Variants in GLCCI1 observed in about 807,000 individuals in gnomAD.
The protein encoded by GLCCI1 is glucocorticoid-induced transcript 1 protein.
A neutral mutation model predicts 52.2 loss-of-function variants in GLCCI1; 24 were observed. That is an observed-to-expected ratio of 0.46 (90% CI 0.33 to 0.65). GLCCI1 has a LOEUF of 0.65. GLCCI1 is among the 30% of genes least tolerant of loss of function. The pLI is 0.02. For synonymous variants in GLCCI1, 310 were observed against 276.5 expected, an observed-to-expected ratio of 1.12 and a Z score of -1.20; for missense variants, 704 against 701.5, an observed-to-expected ratio of 1.00 and a Z score of -0.04.
chr7:7,976,488 AAAAAAAAAAAGGAAAGG>A (rs1454957819), intron 1 of GLCCI1, among the ~76,000 whole-genome samples: 1 of 145,232 alleles, frequency 6.9e-6, no homozygotes, highest in Non-Finnish European at 1.5e-5. Context: ...TCAAAAAAAA[AAAAAAAAAAAGGAAAGG>A]AAAAAGGAAA....
At chr7:8,068,034 T>C (rs1782670604) in intron 5 of GLCCI1, among the ~76,000 whole-genome samples, 1 of 152,156 alleles carries the variant, frequency 6.6e-6, no homozygotes, top group Admixed American at 6.6e-5. Flanking sequence ...TCAGAGGCTT[T>C]GTTCATTCTT....
rs76092463 is a variant in GLCCI1 at position 8,048,815 on chromosome 7, G to C, written c.697-6618G>C. Among the ~76,000 whole-genome samples, 742 of 152,256 alleles carry C rather than the reference G, an allele frequency of 4.9e-3. 2 individuals are homozygous for C. Among genetic ancestry groups the C allele is most frequent in the Non-Finnish European group, 6.9e-3 (467 of 67,990 alleles). The stretch of plus-strand genomic sequence containing the variant: ...TCTCCTGGACCCCAAGTCCCATGGG[G>C]AAATGAGGAAGACTCAGATGGATCC... On this transcript the variant is annotated intron_variant, in intron 3 of 7. Coordinates refer to ENST00000223145, the MANE Select transcript of GLCCI1 (RefSeq NM_138426.4).
intron 2 of GLCCI1, among the ~76,000 whole-genome samples, chr7:8,008,550 C>G (rs952232011): frequency 6.6e-6 from 1 of 152,136 alleles, no homozygotes; most frequent in Non-Finnish European, 1.5e-5. Context: ...TAGACTTGAC[C>G]TCCCAGAGTG....
intron 1 of GLCCI1, among the ~76,000 whole-genome samples, chr7:7,988,532 G>A (rs779818709): frequency 3.3e-5 from 5 of 151,924 alleles, no homozygotes; most frequent in South Asian, 2.1e-4. Context: ...TAATGTCTTC[G>A]GAGAATTTCA....
At chr7:8,040,252 G>A (rs1781969638) in intron 3 of GLCCI1, among the ~76,000 whole-genome samples, 3 of 152,092 alleles carry the variant, frequency 2.0e-5, no homozygotes, top group Admixed American at 2.0e-4. Context: ...TAGGGAGGCT[G>A]AGATGGAAGG....
chr7:8,048,018 C>T (rs1481789325), intron 3 of GLCCI1, among the ~76,000 whole-genome samples: 1 of 152,130 alleles, frequency 6.6e-6, no homozygotes, highest in African/African-American at 2.4e-5. Context: ...TTTTCCCTAA[C>T]TCAACAGTCT....
rs966967136 is a variant in GLCCI1 at position 8,086,366 on chromosome 7, C to T, written c.1472C>T (p.Thr491Ile). 1 of 1,614,148 alleles carries T rather than the reference C, an allele frequency of 6.2e-7. No homozygotes were observed. The highest frequency in any genetic ancestry group is 1.6e-4 in the Middle Eastern group (1 of 6,062). Residue 491 changes from threonine to isoleucine, a missense_variant, in exon 8 of 8, where the codon ACT (threonine) becomes ATT (isoleucine). Coordinates refer to ENST00000223145, the MANE Select transcript of GLCCI1 (RefSeq NM_138426.4). This position sits in a 1 kb window ranked among gnomAD's most constrained non-coding sequence, Gnocchi z 4.4. ...TCTGGCCAGAGCTCAGCTTTGGCAA[C>T]TCTGACCGTTGAGCAGCTCTCATCC... ...PNSGQSSALA[T>I]LTVEQLSSRV...
rs573190950 is a variant in GLCCI1, at chr7:8,032,740, A to G, written c.696+10171A>G. Among the ~76,000 whole-genome samples, 6 of 152,154 alleles carry G rather than the reference A, an allele frequency of 3.9e-5. No homozygotes were observed. In the East Asian group the frequency reaches 9.6e-4, roughly 24 times the overall value. On this transcript the variant is annotated intron_variant, in intron 3 of 7. Transcript: ENST00000223145. ...ATAGAAAATGTGAAGAAACTTATAAAAAGTAAAGAAGCTGAATAAATAATT... is the reference window on the plus strand; with the variant it reads ...ATAGAAAATGTGAAGAAACTTATAAGAAGTAAAGAAGCTGAATAAATAATT...
intron 2 of GLCCI1, among the ~76,000 whole-genome samples, chr7:8,013,284 A>G (rs1415348978): frequency 6.6e-6 from 1 of 152,186 alleles, no homozygotes; most frequent in Non-Finnish European, 1.5e-5. Flanking sequence ...GATGGAAGGC[A>G]TGAGGTGATA....
intron 3 of GLCCI1, among the ~76,000 whole-genome samples, chr7:8,044,118 T>A (rs925585447): frequency 6.6e-6 from 1 of 151,962 alleles, no homozygotes; most frequent in Non-Finnish European, 1.5e-5. Flanking sequence ...CTAATTTTTT[T>A]ATATTTTTAG....
chr7:7,978,402 G>A (rs1399381492), intron 1 of GLCCI1, among the ~76,000 whole-genome samples: 1 of 152,076 alleles, frequency 6.6e-6, no homozygotes, highest in Non-Finnish European at 1.5e-5. Context: ...TCATGGCAAA[G>A]CAATGCACAC....
rs1283366526 is a variant in GLCCI1 at position 7,982,117 on chromosome 7, T to G, written c.457+12310T>G. On this transcript the variant is annotated intron_variant, in intron 1 of 7. Transcript: ENST00000223145. ...CGCAAGAGAGGAATGGCCATTATAGTAATAGTCACAAATCCAAATACCAGA... is the reference window on the plus strand; with the variant it reads ...CGCAAGAGAGGAATGGCCATTATAGGAATAGTCACAAATCCAAATACCAGA... The G allele has an allele frequency of 2.4e-5, 10 of 413,364 alleles. No homozygotes were observed. The East Asian group carries it at 7.0e-4, about 29-fold the overall frequency. 25.6% of individuals were successfully genotyped at this position (413,364 alleles called of 1,614,324 possible).
chr7:8,054,308 G>T (rs963439589), intron 3 of GLCCI1, among the ~76,000 whole-genome samples: 4 of 152,026 alleles, frequency 2.6e-5, no homozygotes, highest in Non-Finnish European at 5.9e-5. Flanking sequence ...AGAGAGGAAG[G>T]CACACAAATA....
At chr7:8,005,763 G>C (rs181897155) in intron 2 of GLCCI1, among the ~76,000 whole-genome samples, 1 of 151,900 alleles carries the variant, frequency 6.6e-6, no homozygotes, top group Non-Finnish European at 1.5e-5. Context: ...TGACACTATC[G>C]AGAGGGAAAC....
At chr7:8,007,860 G>T (rs920565144) in intron 2 of GLCCI1, among the ~76,000 whole-genome samples, 4 of 152,144 alleles carry the variant, frequency 2.6e-5, no homozygotes, top group African/African-American at 9.7e-5. Flanking sequence ...GTAGCATAAT[G>T]TTGTGAAAAG....
At chr7:8,047,329 C>T (rs942054206) in intron 3 of GLCCI1, among the ~76,000 whole-genome samples, 5 of 152,122 alleles carry the variant, frequency 3.3e-5, no homozygotes, top group Non-Finnish European at 5.9e-5. Context: ...CAATTGTACG[C>T]GTATACTTTT....
At chr7:8,043,029 A>C (rs1032375288) in intron 3 of GLCCI1, among the ~76,000 whole-genome samples, 1 of 152,256 alleles carries the variant, frequency 6.6e-6, no homozygotes, top group Admixed American at 6.5e-5. Flanking sequence ...CTGATCAGTC[A>C]GCTAACATCT....
At chr7:8,025,292 A>T (rs1185933669) in intron 3 of GLCCI1, among the ~76,000 whole-genome samples, 1 of 152,172 alleles carries the variant, frequency 6.6e-6, no homozygotes, top group African/African-American at 2.4e-5. Context: ...GTGAGCCAAG[A>T]TCGCGCCACT....
At chr7:8,053,430 C>T (rs1782311754) in intron 3 of GLCCI1, among the ~76,000 whole-genome samples, 1 of 150,088 alleles carries the variant, frequency 6.7e-6, no homozygotes, top group South Asian at 2.1e-4. Context: ...TCAAGCAATT[C>T]TTTTGCCTCA....
Sources: allele counts gnomAD v4.1 joint callset (sites outside exome capture counted in the v4.1 genomes callset), GRCh38; gene constraint gnomAD v4.1.1; non-coding constraint Gnocchi (gnomAD v3.1); transcripts MANE v1.5; gene names NCBI Gene and HGNC (gene_info 2026-07-23, HGNC 2026-07-21).